Variants in SPATA6 observed in about 807,000 individuals in gnomAD.
The protein encoded by SPATA6 is spermatogenesis associated 6.
A neutral mutation model predicts 65.3 loss-of-function variants in SPATA6; 56 were observed. The observed-to-expected ratio is 0.86, with a 90% CI of 0.69 to 1.07. The LOEUF (loss-of-function observed/expected upper bound fraction) is 1.07, where lower values mean the gene tolerates loss of function less well. Among genes scored for constraint, SPATA6 ranks in the 50% least tolerant of loss-of-function variants. The pLI is 0.00. For missense variants in SPATA6, 590 were observed against 594.8 expected (o/e 0.99, Z 0.08); for synonymous variants, 199 against 213.2 (o/e 0.93, Z 0.58).
At chr1:48,300,028 A>C (rs1346259731) in intron 12 of SPATA6, among the ~76,000 whole-genome samples, 1 of 152,202 alleles carries the variant, frequency 6.6e-6, no homozygotes, top group Non-Finnish European at 1.5e-5. Context: ...AGAGAGAGAG[A>C]GAGCGAGCGC....
downstream of SPATA6, among the ~76,000 whole-genome samples, chr1:48,291,889 T>C (rs1253080049): frequency 6.6e-6 from 1 of 152,142 alleles, no homozygotes; most frequent in African/African-American, 2.4e-5. Context: ...GCCACCATTT[T>C]CCCCCATTGC....
intron 5 of SPATA6, among the ~76,000 whole-genome samples, chr1:48,406,180 T>C (rs1351513776): frequency 6.6e-6 from 1 of 152,030 alleles, no homozygotes. Context: ...TAAGCCATGA[T>C]CTCGCAACTG....
intron 7 of SPATA6, among the ~76,000 whole-genome samples, chr1:48,396,477 C>T (rs1650596901): frequency 6.6e-6 from 1 of 151,632 alleles, no homozygotes; most frequent in Non-Finnish European, 1.5e-5. Context: ...TGTGACACAG[C>T]AACATTACTC....
chr1:48,403,053 G>A (rs1651326473), intron 6 of SPATA6, among the ~76,000 whole-genome samples: 1 of 151,424 alleles, frequency 6.6e-6, no homozygotes, highest in Non-Finnish European at 1.5e-5. Context: ...GCATGTACCT[G>A]TAGTCTCAAC....
At chr1:48,337,859 T>C (rs1351731069) in intron 11 of SPATA6, among the ~76,000 whole-genome samples, 1 of 152,026 alleles carries the variant, frequency 6.6e-6, no homozygotes, top group African/African-American at 2.4e-5. Flanking sequence ...CACAATTTCA[T>C]GAACTGGAAG....
At position 48,395,373 on chromosome 1, in the gene SPATA6, T is replaced by G. The variant is rs769489524; in HGVS notation, c.781-19A>C. On this transcript the variant is annotated intron_variant, in intron 7 of 12. Coordinates refer to ENST00000371847, the MANE Select transcript of SPATA6 (RefSeq NM_019073.4). ...GATCAACCTAGAGGAAGCAGGATTT[T>G]TATGTAAAAGAGAGTTTAAACATTC... 8.6e-6 allele frequency: 13 copies of G among 1,515,424 alleles called. No individual in the cohort carries two copies. The Admixed American group carries it at 2.6e-4, about 31-fold the overall frequency. 93.9% of individuals were successfully genotyped at this position (1,515,424 alleles called of 1,614,324 possible).
At chr1:48,404,234 C>A (rs1187618432) in intron 5 of SPATA6, among the ~76,000 whole-genome samples, 9 of 151,872 alleles carry the variant, frequency 5.9e-5, no homozygotes, top group Non-Finnish European at 1.3e-4. Flanking sequence ...TTTACTTTTA[C>A]AACTTACGAC....
chr1:48,469,475 TATATATA>T (rs1557743200), intron 1 of SPATA6, among the ~76,000 whole-genome samples: 304 of 1,482 alleles, frequency 0.21, no homozygotes, highest in African/African-American at 0.25. Flanking sequence ...TATCTATTTA[TATATATA>T]TATATATATA....
chr1:48,410,952 A>G (rs985444257), intron 5 of SPATA6, among the ~76,000 whole-genome samples: 1 of 152,196 alleles, frequency 6.6e-6, no homozygotes, highest in African/African-American at 2.4e-5. Context: ...TTTCACTTTT[A>G]TCAGATTTAT....
chr1:48,264,271 TAAGGCATACA>T, the SPATA6 span, among the ~76,000 whole-genome samples: 1 of 152,210 alleles, frequency 6.6e-6, no homozygotes, highest in Non-Finnish European at 1.5e-5. Context: ...AATTCTATTA[TAAGGCATACA>T]AAGGATCTTC....
At chr1:48,346,958 G>T (rs947307371) in intron 11 of SPATA6, among the ~76,000 whole-genome samples, 4 of 151,810 alleles carry the variant, frequency 2.6e-5, no homozygotes, top group African/African-American at 7.3e-5. Flanking sequence ...CACAGAAATA[G>T]AAAAAATTTT....
intron 3 of SPATA6, among the ~76,000 whole-genome samples, chr1:48,423,153 C>T (rs1389798344): frequency 2.6e-5 from 4 of 152,006 alleles, no homozygotes; most frequent in Admixed American, 2.6e-4. Context: ...TTAATCAATG[C>T]TGATAAAAAG....
At position 48,472,047 on chromosome 1, in the gene SPATA6, G is replaced by A. The variant is rs771464095; in HGVS notation, c.-39C>T. 2.7e-6 allele frequency: 4 copies of A among 1,461,240 alleles called. No homozygotes were observed. The highest frequency in any genetic ancestry group is 1.3e-5 in the South Asian group (1 of 75,084). 90.5% of individuals were successfully genotyped at this position (1,461,240 alleles called of 1,614,324 possible). A position where few individuals can be genotyped will look rare whatever the true frequency, so the allele number is the denominator to read the frequency against. ...GGCGGCGGGGAGTGACCCCGGCCAC[G>A]GGCCCGAGTGAGGCGGGGAGACCTG... On this transcript the variant is annotated 5_prime_UTR_variant, in exon 1 of 13. Coordinates refer to ENST00000371847, the MANE Select transcript of SPATA6 (RefSeq NM_019073.4).
chr1:48,453,388 T>C (rs772319954), intron 1 of SPATA6, among the ~76,000 whole-genome samples: 18 of 152,356 alleles, frequency 1.2e-4, no homozygotes, highest in Non-Finnish European at 2.2e-4. Context: ...GTACTAGCTC[T>C]TGGGACAGAC....
intron 11 of SPATA6, among the ~76,000 whole-genome samples, chr1:48,309,587 T>G (rs1425799381): frequency 6.6e-6 from 1 of 152,232 alleles, no homozygotes; most frequent in Non-Finnish European, 1.5e-5. Flanking sequence ...TTTGAATAAC[T>G]ATATTTAACA....
At position 48,328,210 on chromosome 1, in the gene SPATA6, G is replaced by A. The variant is rs1026649142; in HGVS notation, c.1195-22332C>T. Among the ~76,000 whole-genome samples, 5 of 152,154 alleles carry A rather than the reference G, an allele frequency of 3.3e-5. No homozygotes were observed. The South Asian group carries it at 8.3e-4, about 25-fold the overall frequency. On this transcript the variant is annotated intron_variant, in intron 11 of 12. Transcript: ENST00000371847. The stretch of plus-strand genomic sequence containing the variant: ...ATAGCTAATAAAAAAGTTCAGCAAG[G>A]ATGCCAGGTGAAAAGGCAAAATGGT...
At chr1:48,362,698 A>G (rs1187655588) in intron 9 of SPATA6, among the ~76,000 whole-genome samples, 2 of 152,108 alleles carry the variant, frequency 1.3e-5, no homozygotes, top group African/African-American at 4.8e-5. Flanking sequence ...AATGGTCTTA[A>G]TGGTGCAGGT....
intron 11 of SPATA6, among the ~76,000 whole-genome samples, chr1:48,311,636 C>G (rs181365148): frequency 6.6e-6 from 1 of 152,196 alleles, no homozygotes. Context: ...CAGCTCCCAA[C>G]GTGAGCGACA....
chr1:48,267,161 G>T, the SPATA6 span, among the ~76,000 whole-genome samples: 2 of 152,198 alleles, frequency 1.3e-5, no homozygotes, highest in East Asian at 3.9e-4. Context: ...TGGGAGTGTG[G>T]CTCACTTCTT....
Sources: gnomAD v4.1 joint callset for allele counts (sites outside exome capture counted in the v4.1 genomes callset) on GRCh38, gnomAD v4.1.1 for gene constraint, MANE v1.5 for transcripts, NCBI Gene and HGNC (gene_info 2026-07-23, HGNC 2026-07-21) for gene names.